The following MAF variants were observed in gnomAD, a reference collection of about 807,000 sequenced individuals.
MAF encodes the protein transcription factor Maf.
A neutral mutation model predicts 22.0 loss-of-function variants in MAF; 10 were observed. The ratio of observed to expected loss-of-function variants is 0.45; its 90% CI spans 0.28 to 0.77. The LOEUF (loss-of-function observed/expected upper bound fraction) is 0.77. MAF is among the 30% of genes least tolerant of loss of function. The pLI is 0.12. For synonymous variants in MAF, 337 were observed against 255.8 expected, an observed-to-expected ratio of 1.32 and a Z score of -3.03; for missense variants, 544 against 548.4, an observed-to-expected ratio of 0.99 and a Z score of 0.08.
the MAF span, among the ~76,000 whole-genome samples, chr16:79,433,276 AAATAT>A: frequency 4.2e-5 from 6 of 143,216 alleles, no homozygotes; most frequent in African/African-American, 1.6e-4. Flanking sequence ...GTAAAAAAAA[AAATAT>A]ATATATATAT....
At chr16:79,596,470 A>G (rs1567563902) in intron 1 of MAF, 7 of 1,051,434 alleles carry the variant, frequency 6.7e-6, no homozygotes, top group Non-Finnish European at 8.0e-6. Flanking sequence ...TAAGAAACTG[A>G]GTACAGAATC....
the MAF span, among the ~76,000 whole-genome samples, chr16:79,265,419 A>G: frequency 6.6e-6 from 1 of 152,282 alleles, no homozygotes; most frequent in East Asian, 1.9e-4. Flanking sequence ...CTCTTTCGCC[A>G]GGGTCCCGAA....
the MAF span, among the ~76,000 whole-genome samples, chr16:79,479,486 G>C: frequency 1.3e-5 from 2 of 152,212 alleles, no homozygotes; most frequent in Non-Finnish European, 2.9e-5. Context: ...TTCTGTACTT[G>C]AATGGAATTT....
the MAF span, among the ~76,000 whole-genome samples, chr16:79,405,946 G>A: frequency 6.6e-6 from 1 of 152,106 alleles, no homozygotes; most frequent in Non-Finnish European, 1.5e-5. Flanking sequence ...GTATCTCACT[G>A]CCCACGGCTT....
chr16:79,577,622 C>T, the MAF span, among the ~76,000 whole-genome samples: 175 of 152,254 alleles, frequency 1.1e-3, 1 homozygote, highest in African/African-American at 4.1e-3. Flanking sequence ...TTCTGCTCCA[C>T]GGAAGTTGTC....
chr16:79,557,912 G>A, the MAF span, among the ~76,000 whole-genome samples: 2 of 150,900 alleles, frequency 1.3e-5, no homozygotes, highest in African/African-American at 4.9e-5. Context: ...ACTAAGAGAA[G>A]GACTCCTGAG....
At chr16:79,418,651 T>C in the MAF span, among the ~76,000 whole-genome samples, 1 of 152,182 alleles carries the variant, frequency 6.6e-6, no homozygotes, top group Non-Finnish European at 1.5e-5. Flanking sequence ...AACAGAATTT[T>C]TTTCTCTCTC....
At chr16:79,565,164 T>C in the MAF span, among the ~76,000 whole-genome samples, 1 of 152,152 alleles carries the variant, frequency 6.6e-6, no homozygotes, top group Non-Finnish European at 1.5e-5. Flanking sequence ...AGACCCAAAA[T>C]ACCCAGTTAC....
the MAF span, among the ~76,000 whole-genome samples, chr16:79,422,648 T>C: frequency 6.6e-6 from 1 of 152,182 alleles, no homozygotes; most frequent in Admixed American, 6.5e-5. Context: ...TTTATTCATA[T>C]CCCCATTCCT....
chr16:79,412,330 A>G, the MAF span, among the ~76,000 whole-genome samples: 6 of 152,162 alleles, frequency 3.9e-5, no homozygotes, highest in African/African-American at 1.2e-4. Context: ...GTGGCAGATA[A>G]GCCACCATGT....
the MAF span, among the ~76,000 whole-genome samples, chr16:79,580,133 G>A: frequency 5.3e-5 from 8 of 152,196 alleles, no homozygotes; most frequent in African/African-American, 1.7e-4. Flanking sequence ...AGACCAAGTT[G>A]CACCCTGTAT....
At chr16:79,535,199 T>C in the MAF span, among the ~76,000 whole-genome samples, 5 of 152,148 alleles carry the variant, frequency 3.3e-5, no homozygotes, top group African/African-American at 1.2e-4. Flanking sequence ...ACGCTGAATT[T>C]CTATTGCAAG....
At chr16:79,505,182 C>T in the MAF span, among the ~76,000 whole-genome samples, 1 of 152,142 alleles carries the variant, frequency 6.6e-6, no homozygotes, top group Non-Finnish European at 1.5e-5. Flanking sequence ...GATATTGCTG[C>T]TTCACAAAAT....
downstream of MAF, among the ~76,000 whole-genome samples, chr16:79,584,138 C>T (rs1397158007): frequency 6.6e-6 from 1 of 151,944 alleles, no homozygotes; most frequent in African/African-American, 2.4e-5. Flanking sequence ...AATGACTCCC[C>T]AAATAGCTTA....
At chr16:79,476,292 T>A in the MAF span, among the ~76,000 whole-genome samples, 2 of 152,278 alleles carry the variant, frequency 1.3e-5, no homozygotes, top group South Asian at 4.1e-4. Context: ...CCCTGACTCA[T>A]GGAAACTTTG....
chr16:79,213,041 G>C, the MAF span: 2 of 152,174 alleles, frequency 1.3e-5, no homozygotes, highest in African/African-American at 4.8e-5. Flanking sequence ...TGATTAGCGG[G>C]TATCTCTATG....
the MAF span, among the ~76,000 whole-genome samples, chr16:79,338,274 G>C: frequency 6.6e-6 from 1 of 152,208 alleles, no homozygotes; most frequent in Admixed American, 6.5e-5. Context: ...GTGAAGGTCA[G>C]GGAGGCATTT....
chr16:79,438,108 T>C, the MAF span, among the ~76,000 whole-genome samples: 1 of 151,470 alleles, frequency 6.6e-6, no homozygotes, highest in Non-Finnish European at 1.5e-5. Context: ...AGAGGCCCCG[T>C]GGCGTTGGGG....
At chr16:79,397,075 G>C in the MAF span, among the ~76,000 whole-genome samples, 63 of 152,326 alleles carry the variant, frequency 4.1e-4, 1 homozygote, top group African/African-American at 1.4e-3. Flanking sequence ...ACCTCATCCA[G>C]GTAAGTTGCC....
Sources: gnomAD v4.1 joint callset for allele counts (sites outside exome capture counted in the v4.1 genomes callset) on GRCh38, gnomAD v4.1.1 for gene constraint, MANE v1.5 for transcripts, NCBI Gene and HGNC (gene_info 2026-07-23, HGNC 2026-07-21) for gene names.